Variants in ATP2B1 observed in about 807,000 individuals in gnomAD.
ATP2B1 encodes the protein ATPase plasma membrane Ca2+ transporting 1.
ATP2B1 carries 14 observed loss-of-function variants against 124.2 expected under a neutral mutation model. The ratio of observed to expected loss-of-function variants is 0.11; its 90% CI spans 0.07 to 0.18. The LOEUF (loss-of-function observed/expected upper bound fraction) is 0.18, where lower values mean the gene tolerates loss of function less well. Ranked by LOEUF, ATP2B1 falls within the 10% of genes least tolerant of loss-of-function variation. The pLI, the probability that ATP2B1 is intolerant of heterozygous loss-of-function variation, is 1.00. For synonymous variants in ATP2B1, 449 were observed against 492.4 expected, an observed-to-expected ratio of 0.91 and a Z score of 1.17; for missense variants, 763 against 1,466.1, an observed-to-expected ratio of 0.52 and a Z score of 7.83.
intron 3 of ATP2B1, 125 bp from the exon 4 acceptor site, chr12:89,635,376 C>T (rs1882537787): frequency 5.2e-6 from 6 of 1,145,804 alleles, no homozygotes; most frequent in Non-Finnish European, 7.2e-6. Context: ...GCAATAAATA[C>T]TTTATTAAAT....
chr12:89,621,010 A>G (rs748189046), intron 10 of ATP2B1, among the ~76,000 whole-genome samples: 1 of 152,196 alleles, frequency 6.6e-6, no homozygotes, highest in Non-Finnish European at 1.5e-5. Flanking sequence ...TCTGTTATAA[A>G]TAAGATTTTT....
chr12:89,680,089 T>C (rs1373428158), intron 1 of ATP2B1, among the ~76,000 whole-genome samples: 1 of 152,150 alleles, frequency 6.6e-6, no homozygotes, highest in Non-Finnish European at 1.5e-5. Context: ...ACTAAGAACC[T>C]AGTTCACAAA....
intron 9 of ATP2B1, among the ~76,000 whole-genome samples, chr12:89,622,529 C>T (rs1479191712): frequency 2.6e-5 from 4 of 151,932 alleles, no homozygotes; most frequent in Admixed American, 6.5e-5. Flanking sequence ...GTTCTCAGCA[C>T]TTAATGTGGA....
At chr12:89,622,648 T>C (rs1430369492) in intron 9 of ATP2B1, among the ~76,000 whole-genome samples, 3 of 152,130 alleles carry the variant, frequency 2.0e-5, no homozygotes, top group South Asian at 4.1e-4. Flanking sequence ...GAAAAACGGA[T>C]GTGTATTTCC....
rs1297419637 is a variant in ATP2B1 at position 89,599,309 on chromosome 12, AG to A, written c.3169-11del. ...GAATTGTTGAAATAAGCTACAACAC[AG>A]GGGAATGAACTTAGAAATAAATCAT... is the stretch of plus-strand genomic sequence containing the variant. On this transcript the variant is annotated splice_polypyrimidine_tract_variant and intron_variant, in intron 19 of 20. Coordinates refer to ENST00000428670, the MANE Select transcript of ATP2B1 (RefSeq NM_001366521.1). 6 of 1,612,588 alleles carry A rather than the reference AG, an allele frequency of 3.7e-6. No homozygotes were observed. The Admixed American group carries it at 6.7e-5, about 18-fold the overall frequency.
At position 89,642,209 on chromosome 12, in the gene ATP2B1, T is replaced by C. The variant is rs201387630; in HGVS notation, c.355A>G (p.Ile119Val). Residue 119 changes from isoleucine (I) to valine (V), a missense_variant, in exon 3 of 21, where the codon ATA (isoleucine) becomes GTA (valine). Physicochemically the swap from Ile to Val is conservative, Grantham distance 29. Coordinates refer to ENST00000428670, the MANE Select transcript of ATP2B1 (RefSeq NM_001366521.1). ...TAAAAAGAAAGGCCCAATGATACTATGGCTGCAATTTCTAATATAATTAAA... is the reference window on the plus strand; with the variant it reads ...TAAAAAGAAAGGCCCAATGATACTACGGCTGCAATTTCTAATATAATTAAA... ...VTLIILEIAA[I>V]VSLGLSFYQP... The C allele has an allele frequency of 1.9e-6, 3 of 1,613,816 alleles. No homozygotes were observed. The highest frequency in any genetic ancestry group is 4.5e-5 in the East Asian group (2 of 44,826).
intron 1 of ATP2B1, among the ~76,000 whole-genome samples, chr12:89,704,596 C>A (rs1892231044): frequency 6.6e-6 from 1 of 151,898 alleles, no homozygotes; most frequent in Non-Finnish European, 1.5e-5. Context: ...CTAGACAAAT[C>A]ACTTTGCCTA....
In ATP2B1 at chr12:89,603,929, G is replaced by A; in HGVS notation, c.2635-4C>T. ...GCACAGCCTTAAGCGGTGAGTCCTA[G>A]AAAAGATATGTTTCCTAATAGACAT... On this transcript the variant is annotated splice_polypyrimidine_tract_variant and splice_region_variant and intron_variant, in intron 16 of 20. Transcript: ENST00000428670. This position sits in a 1 kb window ranked among gnomAD's most constrained non-coding sequence, Gnocchi z 4.3. 6.2e-7 allele frequency: 1 copy of A among 1,612,800 alleles called. No individual in the cohort carries two copies. The highest frequency in any genetic ancestry group is 8.5e-7 in the Non-Finnish European group (1 of 1,179,168).
chr12:89,633,818 A>G lies in ATP2B1; in HGVS notation c.787+960T>C, dbSNP rs893746960. On this transcript the variant is annotated intron_variant, in intron 5 of 20. Coordinates refer to ENST00000428670, the MANE Select transcript of ATP2B1 (RefSeq NM_001366521.1). Reference sequence around the variant, plus strand: ...ACACCTGACAATGACAGAAGACTACATGTAGAAGGCTACATTTGGCTTTCC... The same window carrying G: ...ACACCTGACAATGACAGAAGACTACGTGTAGAAGGCTACATTTGGCTTTCC... Among the ~76,000 whole-genome samples, 6 of 152,240 alleles carry G rather than the reference A, an allele frequency of 3.9e-5. No individual in the cohort carries two copies. In the Middle Eastern group the frequency reaches 0.01, roughly 259 times the overall value.
At chr12:89,668,833 A>G (rs1291833804) in intron 1 of ATP2B1, among the ~76,000 whole-genome samples, 1 of 152,054 alleles carries the variant, frequency 6.6e-6, no homozygotes, top group Non-Finnish European at 1.5e-5. Flanking sequence ...TAGATTTCCC[A>G]TCTCCTTTTT....
In ATP2B1 at chr12:89,620,378, G is replaced by A; in HGVS notation, c.1588-138C>T. 5.3e-6 allele frequency: 6 copies of A among 1,127,630 alleles called. No individual in the cohort carries two copies. In the South Asian group the frequency reaches 1.0e-4, roughly 19 times the overall value. The allele number at this position is 1,127,630 out of a possible 1,614,324, so 69.9% of individuals were successfully genotyped here. A position where few individuals can be genotyped will look rare whatever the true frequency, so the allele number is the denominator to read the frequency against. ...TATCAACATTTTAAAGAAGGATATA[G>A]AAAAGTAAGGTAGAAAGGAGCCTGG... On this transcript the variant is annotated intron_variant, in intron 10 of 20. Transcript: ENST00000428670.
chr12:89,668,672 A>G (rs1349205141), intron 1 of ATP2B1, among the ~76,000 whole-genome samples: 2 of 152,216 alleles, frequency 1.3e-5, no homozygotes. Context: ...CACAGCATCT[A>G]GCCTATAAAC....
rs761323839 is a variant in ATP2B1, at chr12:89,624,358, A to G, written c.1169T>C (p.Leu390Ser). The G allele has an allele frequency of 4.9e-5, 79 of 1,613,980 alleles. No homozygotes were observed. Among genetic ancestry groups the G allele is most frequent in the Non-Finnish European group, 6.6e-5 (78 of 1,179,988 alleles). ...CCAGAAGGTGTCAATGACAAAATATAATACTAGAATGATAACTGTGATGGC... is the reference window on the plus strand; with the variant it reads ...CCAGAAGGTGTCAATGACAAAATATGATACTAGAATGATAACTGTGATGGC... The part of the protein sequence containing the change: ...MSAITVIILV[L>S]YFVIDTFWVQ... The change falls in exon 9 of 21, where the codon TTA becomes TCA. Residue 390 changes from leucine to serine, a missense_variant. Physicochemically the swap from Leu to Ser is moderately radical, Grantham distance 145. This residue lies in a region of ATP2B1 where 392 missense variants were observed against 776.6 expected (regional missense o/e 0.50). Coordinates refer to ENST00000428670, the MANE Select transcript of ATP2B1 (RefSeq NM_001366521.1).
chr12:89,601,509 T>C (rs1396137601), intron 18 of ATP2B1, 76 bp from the exon 19 acceptor site: 8 of 874,938 alleles, frequency 9.1e-6, no homozygotes, highest in African/African-American at 3.5e-5. Flanking sequence ...ATATCAAATT[T>C]ATGTCCTCTA....
chr12:89,635,960 G>A (rs2037374), intron 3 of ATP2B1, among the ~76,000 whole-genome samples: 142,359 of 152,192 alleles, frequency 0.94, 66,793 homozygotes, highest in East Asian at 0.99. Flanking sequence ...GACGGTATAT[G>A]AAGAATTCAG....
At chr12:89,698,431 T>A (rs1891428800) in intron 1 of ATP2B1, among the ~76,000 whole-genome samples, 1 of 152,072 alleles carries the variant, frequency 6.6e-6, no homozygotes, top group African/African-American at 2.4e-5. Context: ...AAAAGTCAAA[T>A]TATTCTATAG....
upstream of ATP2B1, chr12:89,709,190 G>C (rs1892921330): frequency 6.6e-6 from 1 of 151,384 alleles, no homozygotes; most frequent in South Asian, 2.1e-4. Context: ...CAAGATTGCC[G>C]GGGTAGGCAG....
intron 1 of ATP2B1, among the ~76,000 whole-genome samples, chr12:89,707,547 G>GCA (rs1020884419): frequency 6.6e-6 from 1 of 152,170 alleles, no homozygotes; most frequent in Non-Finnish European, 1.5e-5. Context: ...AAAGTAGCGG[G>GCA]CACAGAAGCG....
intron 1 of ATP2B1, among the ~76,000 whole-genome samples, chr12:89,701,650 A>G (rs918483628): frequency 6.6e-6 from 1 of 152,238 alleles, no homozygotes; most frequent in African/African-American, 2.4e-5. Context: ...TTACTAGGAC[A>G]GTAGAATTTA....
Sources: allele counts gnomAD v4.1 joint callset (sites outside exome capture counted in the v4.1 genomes callset), GRCh38; gene constraint gnomAD v4.1.1; regional missense constraint gnomAD v4.1.1; non-coding constraint Gnocchi (gnomAD v3.1); transcripts MANE v1.5; gene names NCBI Gene and HGNC (gene_info 2026-07-23, HGNC 2026-07-21).